The following CARM1 variants were observed in gnomAD, a reference collection of about 807,000 sequenced individuals.
CARM1 encodes the protein histone-arginine methyltransferase CARM1.
Under a neutral mutation model 72.7 loss-of-function variants are expected in CARM1, and 14 were observed. The observed-to-expected ratio is 0.19, with a 90% CI of 0.13 to 0.30. The LOEUF (loss-of-function observed/expected upper bound fraction) is 0.30, where lower values mean the gene tolerates loss of function less well. CARM1 is among the 10% of genes least tolerant of loss of function. CARM1 has a pLI of 1.00. For missense variants in CARM1, 432 were observed against 833.7 expected (o/e 0.52, Z 5.93); for synonymous variants, 333 against 345.5 (o/e 0.96, Z 0.40).
intron 1 of CARM1, among the ~76,000 whole-genome samples, chr19:10,881,717 C>T (rs995600324): frequency 2.0e-5 from 3 of 151,858 alleles, no homozygotes; most frequent in Non-Finnish European, 2.9e-5. Context: ...CCACTGAGAC[C>T]CACTCTTTCA....
intron 1 of CARM1, among the ~76,000 whole-genome samples, chr19:10,895,343 G>T (rs964199332): frequency 6.6e-6 from 1 of 152,168 alleles, no homozygotes; most frequent in Non-Finnish European, 1.5e-5. Context: ...GGCCTCAAGC[G>T]ATCCACGTGC....
chr19:10,921,907 G>C lies in CARM1; in HGVS notation c.*150G>C, dbSNP rs190843802. On this transcript the variant is annotated 3_prime_UTR_variant, in exon 16 of 16. Transcript: ENST00000327064. Reference sequence around the variant, plus strand: ...TGGGAACTGGGACACTTTTTTACACGATGTTGCCGCCGTCCCCACCCTAAC... The same window carrying C: ...TGGGAACTGGGACACTTTTTTACACCATGTTGCCGCCGTCCCCACCCTAAC... The C allele has an allele frequency of 2.7e-6, 2 of 753,576 alleles. No individual in the cohort carries two copies. The highest frequency in any genetic ancestry group is 6.1e-5 in the Admixed American group (2 of 32,890). The allele number at this position is 753,576 out of a possible 1,614,324, so 46.7% of individuals were successfully genotyped here.
At chr19:10,911,781 C>T (rs1361014973) in intron 4 of CARM1, among the ~76,000 whole-genome samples, 2 of 152,210 alleles carry the variant, frequency 1.3e-5, no homozygotes, top group African/African-American at 4.8e-5. Context: ...CCAGCCAAGA[C>T]GGGCTGCTTC....
At chr19:10,880,489 G>A (rs2073893698) in intron 1 of CARM1, among the ~76,000 whole-genome samples, 2 of 151,922 alleles carry the variant, frequency 1.3e-5, no homozygotes, top group Admixed American at 1.3e-4. Flanking sequence ...TGGGACCACA[G>A]GCGCACATCA....
In CARM1 at chr19:10,886,040, T is replaced by C. The variant is rs192821147; in HGVS notation, c.220+14118T>C. Among the ~76,000 whole-genome samples the C allele has an allele frequency of 2.0e-3, 305 of 150,754 alleles. 5 individuals are homozygous for C. The East Asian group carries it at 0.02, about 10-fold the overall frequency. Reference sequence around the variant, plus strand: ...AGGTGGCCCCACACCTGGCTAATTTTTTTCTTTCTTTCTTTCTTTTTTTTT... The same window carrying C: ...AGGTGGCCCCACACCTGGCTAATTTCTTTCTTTCTTTCTTTCTTTTTTTTT... On this transcript the variant is annotated intron_variant, in intron 1 of 15. Transcript: ENST00000327064.
At chr19:10,918,551 T>C (rs80202399) in intron 8 of CARM1, among the ~76,000 whole-genome samples, 3,812 of 152,238 alleles carry the variant, frequency 0.025, 74 homozygotes, top group Non-Finnish European at 0.042. Context: ...GCTTTCTGCT[T>C]GGTGTCTTAG....
intron 1 of CARM1, among the ~76,000 whole-genome samples, chr19:10,878,303 G>A (rs1293284828): frequency 6.6e-6 from 1 of 152,188 alleles, no homozygotes; most frequent in East Asian, 1.9e-4. Flanking sequence ...CCCGAGGCAG[G>A]GGAAGCTTGT....
chr19:10,921,671 A>G lies in CARM1; in HGVS notation c.1741A>G (p.Asn581Asp). The G allele has an allele frequency of 6.2e-7, 1 of 1,613,574 alleles. No homozygotes were observed. The highest frequency in any genetic ancestry group is 8.5e-7 in the Non-Finnish European group (1 of 1,179,904). Residue 581 changes from asparagine to aspartate, a missense_variant, in exon 16 of 16, where the codon AAC becomes GAC. By Grantham distance (23) the Asn-to-Asp change is conservative. This residue lies in a region of CARM1 where 142 missense variants were observed against 188.7 expected (regional missense o/e 0.75). Transcript: ENST00000327064. ...CAGCACGAGTGCCCACTATGCAGTCAACAGCCAGTTCACCATGGGCGGCCC... is the reference window on the plus strand; with the variant it reads ...CAGCACGAGTGCCCACTATGCAGTCGACAGCCAGTTCACCATGGGCGGCCC... ...GGSTSAHYAV[N>D]SQFTMGGPAI...
chr19:10,900,383 T>G (rs995229421), intron 1 of CARM1, among the ~76,000 whole-genome samples: 1 of 152,176 alleles, frequency 6.6e-6, no homozygotes. Flanking sequence ...ATTCCTGCCT[T>G]CTCCCAGCTC....
chr19:10,903,376 C>T (rs375413931), intron 1 of CARM1, among the ~76,000 whole-genome samples: 1 of 152,152 alleles, frequency 6.6e-6, no homozygotes, highest in Non-Finnish European at 1.5e-5. Context: ...TATTTGCACT[C>T]ATGTTGTTGT....
chr19:10,920,791 T>C lies in CARM1; in HGVS notation c.1424+43T>C. On this transcript the variant is annotated intron_variant, in intron 12 of 15. Transcript: ENST00000327064. This position sits in a 1 kb window ranked among gnomAD's most constrained non-coding sequence, Gnocchi z 5.3. ...CCTGCACAGGGGGGCGCCCCGGCCC[T>C]GCAACCCCCTTGCCCCTGCCCATGG... The C allele has an allele frequency of 1.2e-6, 2 of 1,613,438 alleles. No homozygotes were observed. Among genetic ancestry groups the C allele is most frequent in the Non-Finnish European group, 1.7e-6 (2 of 1,179,358 alleles).
At chr19:10,876,484 C>T (rs1336552053) in intron 1 of CARM1, among the ~76,000 whole-genome samples, 1 of 152,194 alleles carries the variant, frequency 6.6e-6, no homozygotes, top group Non-Finnish European at 1.5e-5. Context: ...CTGTACCTAA[C>T]ATAGGAGGCC....
chr19:10,893,407 C>T (rs1327771921), intron 1 of CARM1, among the ~76,000 whole-genome samples: 10 of 151,604 alleles, frequency 6.6e-5, no homozygotes, highest in South Asian at 2.1e-4. Context: ...GGTGCGATCT[C>T]GGCTCACTGC....
chr19:10,887,035 A>G (rs979219651), intron 1 of CARM1, among the ~76,000 whole-genome samples: 1 of 152,020 alleles, frequency 6.6e-6, no homozygotes, highest in African/African-American at 2.4e-5. Flanking sequence ...GGGCACCACC[A>G]TGCCCAGCTC....
chr19:10,883,304 G>A (rs1318825147), intron 1 of CARM1, among the ~76,000 whole-genome samples: 3 of 152,130 alleles, frequency 2.0e-5, no homozygotes, highest in Non-Finnish European at 2.9e-5. Flanking sequence ...GTGGGGGTAG[G>A]TAGGACACAG....
At chr19:10,884,386 A>G (rs971048919) in intron 1 of CARM1, among the ~76,000 whole-genome samples, 3 of 151,472 alleles carry the variant, frequency 2.0e-5, no homozygotes, top group Non-Finnish European at 2.9e-5. Context: ...GCTCTCTAGT[A>G]TGTTGTCCAG....
chr19:10,922,544 G>C lies in CARM1; in HGVS notation c.*787G>C, dbSNP rs1331706041. On this transcript the variant is annotated 3_prime_UTR_variant, in exon 16 of 16. Transcript: ENST00000327064. ...GAGGGAAGGCCACTGCCGGCCACTT[G>C]GGGCAGACACAGACACCTCAAGGAT... The C allele has an allele frequency of 7.1e-6, 1 of 140,986 alleles. No individual in the cohort carries two copies. Among genetic ancestry groups the C allele is most frequent in the African/African-American group, 2.7e-5 (1 of 37,668 alleles). 8.7% of individuals were successfully genotyped at this position (140,986 alleles called of 1,614,324 possible). A position where few individuals can be genotyped will look rare whatever the true frequency, so the allele number is the denominator to read the frequency against.
intron 1 of CARM1, among the ~76,000 whole-genome samples, chr19:10,892,995 A>G (rs1269822087): frequency 6.6e-6 from 1 of 151,888 alleles, no homozygotes; most frequent in East Asian, 1.9e-4. Context: ...TCAGCCTCCC[A>G]AAGTGGTGGG....
At chr19:10,918,323 G>A (rs1272761555) in intron 8 of CARM1, among the ~76,000 whole-genome samples, 2 of 151,948 alleles carry the variant, frequency 1.3e-5, no homozygotes, top group African/African-American at 2.4e-5. Context: ...TCTCCCAGAC[G>A]CAAGTGATCC....
Sources: gnomAD v4.1 joint callset for allele counts (sites outside exome capture counted in the v4.1 genomes callset) on GRCh38, gnomAD v4.1.1 for gene constraint, gnomAD v4.1.1 regional missense constraint, Gnocchi (gnomAD v3.1) non-coding constraint, MANE v1.5 for transcripts, NCBI Gene and HGNC (gene_info 2026-07-23, HGNC 2026-07-21) for gene names.